SLC25A30: variants seen among roughly 807,000 people sequenced by gnomAD.
SLC25A30 encodes solute carrier family 25 member 30.
SLC25A30 carries 29 observed loss-of-function variants against 42.7 expected under a neutral mutation model. The observed-to-expected ratio is 0.68, with a 90% CI of 0.51 to 0.93. The LOEUF (loss-of-function observed/expected upper bound fraction) is 0.93, where lower values mean the gene tolerates loss of function less well. Ranked by LOEUF, SLC25A30 falls within the 40% of genes least tolerant of loss-of-function variation. The pLI is 0.00. For missense variants in SLC25A30, 300 were observed against 359.7 expected (o/e 0.83, Z 1.34); for synonymous variants, 124 against 131.0 (o/e 0.95, Z 0.37).
At chr13:45,418,405 A>G (rs1246871049), upstream of SLC25A30, 1 of 151,546 alleles carries the variant, frequency 6.6e-6, no homozygotes, top group Non-Finnish European at 1.5e-5. Flanking sequence ...GGGCAGACCC[A>G]CGAGCCTGCA....
chr13:45,402,692 T>C, intron 5 of SLC25A30: 1 of 814,022 alleles, frequency 1.2e-6, no homozygotes, highest in Non-Finnish European at 1.5e-6. Flanking sequence ...ACTTCCCTAC[T>C]ACTATATAGG....
rs935388508 is a variant in SLC25A30, at chr13:45,405,956, G to C, written c.234C>G (p.Arg78=). 1 of 1,614,160 alleles carries C rather than the reference G, an allele frequency of 6.2e-7. No homozygotes were observed. ...TCTTGATGGTGCCATAGGATGCCTG[G>C]CGTAACATCGCGGGGGCAATCCTGT... is the stretch of plus-strand genomic sequence containing the variant. ...LYSGIAPAML[R]QASYGTIKIG... Residue 78 remains arginine (R), a synonymous_variant, in exon 4 of 10, where the codon CGC becomes CGG. Transcript: ENST00000519676.
rs192389910 is a variant in SLC25A30, at chr13:45,413,567, T to G, written c.-55-2087A>C. On this transcript the variant is annotated intron_variant, in intron 1 of 9. Coordinates refer to ENST00000519676, the MANE Select transcript of SLC25A30 (RefSeq NM_001010875.4). ...TCAGACTCCATCTCTTTTTTTTTTT[T>G]TTTTGAGACAAAGTCCCACTCTTGT... is the stretch of plus-strand genomic sequence containing the variant. Among the ~76,000 whole-genome samples the G allele has an allele frequency of 4.9e-4, 74 of 152,036 alleles. No homozygotes were observed. In the East Asian group the frequency reaches 9.7e-3, roughly 20 times the overall value.
At chr13:45,403,265 T>C (rs753917268) in intron 5 of SLC25A30, among the ~76,000 whole-genome samples, 4 of 152,342 alleles carry the variant, frequency 2.6e-5, no homozygotes, top group Non-Finnish European at 5.9e-5. Context: ...ATAACTGTAG[T>C]GTACCCAGAA....
rs761351687 is a variant in SLC25A30 at position 45,404,311 on chromosome 13, A to G, written c.393+16T>C. The G allele has an allele frequency of 3.8e-6, 6 of 1,577,362 alleles. No homozygotes were observed. Among genetic ancestry groups the G allele is most frequent in the Non-Finnish European group, 3.5e-6 (4 of 1,146,952 alleles). On this transcript the variant is annotated intron_variant, in intron 5 of 9. Coordinates refer to ENST00000519676, the MANE Select transcript of SLC25A30 (RefSeq NM_001010875.4). The stretch of plus-strand genomic sequence containing the variant: ...AATGTGGAATGTGCCTATAAGATAT[A>G]GATAGCACAGCTTACTTTCAAAACA...
chr13:45,425,088 AAATATATTTATAAATATATAAATATATT>A, the SLC25A30 span, among the ~76,000 whole-genome samples: 3 of 3,050 alleles, frequency 9.8e-4, 1 homozygote, highest in Non-Finnish European at 3.6e-3. Context: ...ATAAATATAT[AAATATATTTATAAATATATAAATATATT>A]TATAAATATA....
the SLC25A30 span, among the ~76,000 whole-genome samples, chr13:45,426,582 C>T: frequency 5.9e-5 from 9 of 152,046 alleles, no homozygotes; most frequent in Non-Finnish European, 8.8e-5. Flanking sequence ...TGTGCCTTAT[C>T]GTTTCCTGAG....
the SLC25A30 span, among the ~76,000 whole-genome samples, chr13:45,423,783 T>C: frequency 5.3e-5 from 4 of 75,864 alleles, 2 homozygotes; most frequent in Non-Finnish European, 9.0e-5. Context: ...TATAAATATA[T>C]AAATATATAA....
At chr13:45,417,487 A>G (rs1883635408) in intron 1 of SLC25A30, among the ~76,000 whole-genome samples, 1 of 151,990 alleles carries the variant, frequency 6.6e-6, no homozygotes, top group South Asian at 2.1e-4. Flanking sequence ...CCTATTTCCT[A>G]TTCTTTTTAA....
the SLC25A30 span, among the ~76,000 whole-genome samples, chr13:45,426,204 A>C: frequency 2.0e-5 from 3 of 151,884 alleles, no homozygotes; most frequent in African/African-American, 7.3e-5. Flanking sequence ...CTCCTGCCTC[A>C]GCCTCCTGAG....
the SLC25A30 span, among the ~76,000 whole-genome samples, chr13:45,425,631 T>TAC: frequency 1.4e-5 from 1 of 71,848 alleles, no homozygotes; most frequent in African/African-American, 4.4e-5. Flanking sequence ...TATATATAAG[T>TAC]ATATATAAAT....
In SLC25A30 at chr13:45,395,058, A is replaced by G. The variant is rs1030213313; in HGVS notation, c.*916T>C. 3 of 985,410 alleles carry G rather than the reference A, an allele frequency of 3.0e-6. No homozygotes were observed. The highest frequency in any genetic ancestry group is 5.2e-4 in the Middle Eastern group (1 of 1,914). 61.0% of individuals were successfully genotyped at this position (985,410 alleles called of 1,614,324 possible). A position where few individuals can be genotyped will look rare whatever the true frequency, so the allele number is the denominator to read the frequency against. ...GAGAACATGCCCCTCTTCTACATAG[A>G]CTGTTTAGAGCTGTTCCACAGCATG... On this transcript the variant is annotated 3_prime_UTR_variant, in exon 10 of 10. Coordinates refer to ENST00000519676, the MANE Select transcript of SLC25A30 (RefSeq NM_001010875.4).
chr13:45,430,743 G>C, the SLC25A30 span, among the ~76,000 whole-genome samples: 1,051 of 152,268 alleles, frequency 6.9e-3, 12 homozygotes, highest in African/African-American at 0.021. Flanking sequence ...GGAGGTAGAG[G>C]TTGCAGTGAG....
At chr13:45,429,677 T>A in the SLC25A30 span, among the ~76,000 whole-genome samples, 404 of 151,082 alleles carry the variant, frequency 2.7e-3, 3 homozygotes, top group African/African-American at 8.4e-3. Flanking sequence ...CAAAAAAAAA[T>A]TTTTTTAATT....
chr13:45,398,089 C>T, intron 8 of SLC25A30: 1 of 984,486 alleles, frequency 1.0e-6, no homozygotes, highest in South Asian at 4.7e-5. Context: ...GTGCTAGTGT[C>T]ATGTTGGAAA....
upstream of SLC25A30, among the ~76,000 whole-genome samples, chr13:45,421,839 T>C (rs1883898529): frequency 6.6e-6 from 1 of 152,188 alleles, no homozygotes; most frequent in Non-Finnish European, 1.5e-5. Context: ...ACGTGGTCCT[T>C]AGAGCCCTCC....
chr13:45,429,667 C>T, the SLC25A30 span, among the ~76,000 whole-genome samples: 1 of 150,634 alleles, frequency 6.6e-6, no homozygotes, highest in Admixed American at 6.6e-5. Context: ...CCTGTCTCTA[C>T]AAAAAAAAAT....
intron 6 of SLC25A30, 104 bp from the exon 7 acceptor site, chr13:45,401,311 T>A: frequency 8.2e-7 from 1 of 1,223,414 alleles, no homozygotes; most frequent in Non-Finnish European, 1.1e-6. Context: ...TCAAGGTTTA[T>A]CTTTTCCTCT....
upstream of SLC25A30, among the ~76,000 whole-genome samples, chr13:45,421,116 C>T (rs868307697): frequency 6.6e-6 from 1 of 151,934 alleles, no homozygotes; most frequent in Non-Finnish European, 1.5e-5. Context: ...TGGTGGCTCA[C>T]GTCTATAATC....
Sources: gnomAD v4.1 joint callset for allele counts (sites outside exome capture counted in the v4.1 genomes callset) on GRCh38, gnomAD v4.1.1 for gene constraint, MANE v1.5 for transcripts, NCBI Gene and HGNC (gene_info 2026-07-23, HGNC 2026-07-21) for gene names.